ELAVL4: variants seen among roughly 807,000 people sequenced by gnomAD.
ELAVL4 encodes ELAV-like protein 4.
ELAVL4 carries 1 observed loss-of-function variant against 35.6 expected under a neutral mutation model. That is an observed-to-expected ratio of 0.03 (90% CI 0.01 to 0.13). The LOEUF is 0.13. ELAVL4 is among the 10% of genes least tolerant of loss of function. The probability of loss-of-function intolerance (pLI) is 1.00; values close to 1 mark genes in which losing one functional copy is unlikely to be tolerated. For synonymous variants in ELAVL4, 156 were observed against 171.0 expected (o/e 0.91, Z 0.69); for missense variants, 267 against 464.9 (o/e 0.57, Z 3.91).
upstream of ELAVL4, among the ~76,000 whole-genome samples, chr1:50,108,174 A>G (rs1008508563): frequency 3.3e-5 from 5 of 152,312 alleles, no homozygotes; most frequent in South Asian, 1.0e-3. Context: ...TCAGTTTTGA[A>G]AAGCTCAGAC....
At chr1:50,116,591 CT>C (rs200320996) in intron 1 of ELAVL4, among the ~76,000 whole-genome samples, 3 of 151,054 alleles carry the variant, frequency 2.0e-5, no homozygotes, top group East Asian at 1.9e-4. Context: ...CTGAGTTGAA[CT>C]TTTTTTTTCA....
chr1:50,094,562 C>T (rs1665631144), intron 1 of ELAVL4, among the ~76,000 whole-genome samples: 1 of 152,066 alleles, frequency 6.6e-6, no homozygotes, highest in African/African-American at 2.4e-5. Flanking sequence ...CCTGTGTTGT[C>T]AAACTTGAGT....
intron 1 of ELAVL4, among the ~76,000 whole-genome samples, chr1:50,069,703 G>A (rs879478354): frequency 6.6e-6 from 1 of 152,048 alleles, no homozygotes; most frequent in Non-Finnish European, 1.5e-5. Context: ...TTATTTTTTA[G>A]CATTATTACT....
intron 1 of ELAVL4, among the ~76,000 whole-genome samples, chr1:50,057,819 G>A (rs1490951950): frequency 6.6e-6 from 1 of 152,178 alleles, no homozygotes; most frequent in Non-Finnish European, 1.5e-5. Context: ...ACACGTGACT[G>A]TACTATAATA....
At chr1:50,175,341 A>G (rs917793818) in intron 2 of ELAVL4, 1 of 151,926 alleles carries the variant, frequency 6.6e-6, no homozygotes, top group African/African-American at 2.4e-5. Context: ...TTCTGGGAAC[A>G]TATGGCAGGG....
At chr1:50,165,961 G>A (rs1037525715) in intron 2 of ELAVL4, among the ~76,000 whole-genome samples, 3 of 151,932 alleles carry the variant, frequency 2.0e-5, no homozygotes, top group South Asian at 2.1e-4. Flanking sequence ...CTTGGAGTCC[G>A]ATGTTCAAGG....
At chr1:50,181,902 C>G (rs1044082372) in intron 3 of ELAVL4, among the ~76,000 whole-genome samples, 1 of 152,156 alleles carries the variant, frequency 6.6e-6, no homozygotes, top group African/African-American at 2.4e-5. Context: ...AGTCTGGTTG[C>G]GAACTCCTGA....
chr1:50,124,960 A>C (rs1346620907), intron 1 of ELAVL4, among the ~76,000 whole-genome samples: 1 of 152,108 alleles, frequency 6.6e-6, no homozygotes, highest in Non-Finnish European at 1.5e-5. Flanking sequence ...CATTCTTCAA[A>C]TTTTTGTTGA....
chr1:50,095,502 C>T (rs1207370936), intron 1 of ELAVL4, among the ~76,000 whole-genome samples: 2 of 152,000 alleles, frequency 1.3e-5, no homozygotes, highest in East Asian at 3.8e-4. Context: ...TAGTGTAAAA[C>T]TATATAGTCT....
At chr1:50,102,455 C>T (rs916159186), upstream of ELAVL4, among the ~76,000 whole-genome samples, 12 of 151,358 alleles carry the variant, frequency 7.9e-5, no homozygotes, top group African/African-American at 2.7e-4. Context: ...CCTTTTCTTC[C>T]TTCTTTCTCC....
intron 1 of ELAVL4, among the ~76,000 whole-genome samples, chr1:50,061,398 T>C (rs1261464951): frequency 6.6e-6 from 1 of 152,208 alleles, no homozygotes. Context: ...CTATCCCCTG[T>C]AGTCATTTGA....
In ELAVL4 at chr1:50,061,964, A is replaced by G. The variant is rs569607228; in HGVS notation, c.18+13782A>G. On this transcript the variant is annotated intron_variant, in intron 1 of 6. Transcript: ENST00000448907. The stretch of plus-strand genomic sequence containing the variant: ...TTCTGGGTAGACCCAACTAATACGG[A>G]TAAGTATTATTATTATCCTCCTGTC... Among the ~76,000 whole-genome samples, 27 of 152,306 alleles carry G rather than the reference A, an allele frequency of 1.8e-4. No individual in the cohort carries two copies. The South Asian group carries it at 3.5e-3, about 20-fold the overall frequency.
chr1:50,147,560 T>G (rs1028332706), intron 2 of ELAVL4, among the ~76,000 whole-genome samples: 1 of 152,110 alleles, frequency 6.6e-6, no homozygotes, highest in Non-Finnish European at 1.5e-5. Flanking sequence ...CATTTGGGGT[T>G]AGGTCACAAT....
intron 2 of ELAVL4, among the ~76,000 whole-genome samples, chr1:50,156,854 T>C (rs964712548): frequency 2.0e-5 from 3 of 152,174 alleles, no homozygotes; most frequent in Admixed American, 6.5e-5. Context: ...TGAATGTGGC[T>C]GTACATTGTA....
chr1:50,165,444 A>T (rs1040639090), intron 2 of ELAVL4, among the ~76,000 whole-genome samples: 2 of 140,072 alleles, frequency 1.4e-5, no homozygotes, highest in African/African-American at 5.8e-5. Flanking sequence ...ATATATATAG[A>T]TATAGATATA....
chr1:50,182,434 C>T (rs1393049270), intron 3 of ELAVL4, among the ~76,000 whole-genome samples: 1 of 152,290 alleles, frequency 6.6e-6, no homozygotes, highest in South Asian at 2.1e-4. Context: ...ACTGCTGGCT[C>T]TGCCTCCAGA....
At chr1:50,130,834 G>C (rs752193107) in intron 1 of ELAVL4, among the ~76,000 whole-genome samples, 1 of 152,066 alleles carries the variant, frequency 6.6e-6, no homozygotes, top group Non-Finnish European at 1.5e-5. Flanking sequence ...CTTCAGTTTG[G>C]GGGAGGGGCT....
intron 5 of ELAVL4, among the ~76,000 whole-genome samples, chr1:50,196,650 T>C (rs1004590443): frequency 3.3e-5 from 5 of 152,232 alleles, no homozygotes; most frequent in Admixed American, 6.5e-5. Context: ...TCATCCTCTT[T>C]CGTGTCCTCC....
At chr1:50,178,964 CTT>C (rs34330798) in intron 3 of ELAVL4, among the ~76,000 whole-genome samples, 1 of 147,338 alleles carries the variant, frequency 6.8e-6, no homozygotes. Context: ...TTCCATTTTG[CTT>C]TTTTTTTTTT....
Sources: gnomAD v4.1 joint callset for allele counts (sites outside exome capture counted in the v4.1 genomes callset) on GRCh38, gnomAD v4.1.1 for gene constraint, MANE v1.5 for transcripts, NCBI Gene and HGNC (gene_info 2026-07-23, HGNC 2026-07-21) for gene names.